Variants in CDH18 observed in about 807,000 individuals in gnomAD.
CDH18 encodes cadherin-18.
CDH18 carries 31 observed loss-of-function variants against 67.9 expected under a neutral mutation model. That is an observed-to-expected ratio of 0.46 (90% CI 0.34 to 0.62). The LOEUF (loss-of-function observed/expected upper bound fraction) is 0.62. Ranked by LOEUF, CDH18 falls within the 20% of genes least tolerant of loss-of-function variation. The probability of loss-of-function intolerance (pLI) is 0.01; values close to 1 mark genes in which losing one functional copy is unlikely to be tolerated. For synonymous variants in CDH18, 362 were observed against 347.2 expected (o/e 1.04, Z -0.48); for missense variants, 890 against 975.5 (o/e 0.91, Z 1.17).
intron 1 of CDH18, among the ~76,000 whole-genome samples, chr5:20,310,800 C>A (rs773443827): frequency 8.5e-5 from 13 of 152,154 alleles, no homozygotes; most frequent in Admixed American, 3.3e-4. Flanking sequence ...GTTCTTTCTT[C>A]TTTTCTGACT....
At chr5:20,199,543 G>C (rs865823311) in intron 2 of CDH18, among the ~76,000 whole-genome samples, 1 of 152,122 alleles carries the variant, frequency 6.6e-6, no homozygotes, top group African/African-American at 2.4e-5. Flanking sequence ...AAAGGGACTT[G>C]CTTTGCCTCA....
intron 1 of CDH18, among the ~76,000 whole-genome samples, chr5:20,539,950 C>A (rs750609672): frequency 1.2e-4 from 18 of 152,110 alleles, no homozygotes; most frequent in Non-Finnish European, 2.4e-4. Context: ...AAGCACTGAA[C>A]TATTTTAATG....
At chr5:20,515,848 T>C (rs980596900) in intron 1 of CDH18, among the ~76,000 whole-genome samples, 1 of 152,072 alleles carries the variant, frequency 6.6e-6, no homozygotes, top group African/African-American at 2.4e-5. Context: ...CTTTCGCATC[T>C]ATGAACATTT....
intron 4 of CDH18, among the ~76,000 whole-genome samples, chr5:19,726,813 T>C (rs1278866853): frequency 6.6e-6 from 1 of 152,208 alleles, no homozygotes; most frequent in Non-Finnish European, 1.5e-5. Flanking sequence ...GTTGAAATCC[T>C]AACTTCTAAT....
intron 2 of CDH18, among the ~76,000 whole-genome samples, chr5:20,036,737 T>C (rs1739899070): frequency 6.6e-6 from 1 of 152,114 alleles, no homozygotes; most frequent in Admixed American, 6.6e-5. Context: ...ACTATTATTG[T>C]GTGAGTGTCT....
chr5:19,505,427 C>T (rs574196484), intron 10 of CDH18, among the ~76,000 whole-genome samples: 2,383 of 152,170 alleles, frequency 0.016, 20 homozygotes, highest in Non-Finnish European at 0.025. Context: ...CAGTTTTTGC[C>T]CATTCAGTAT....
intron 1 of CDH18, among the ~76,000 whole-genome samples, chr5:20,419,109 G>C (rs986043750): frequency 6.6e-6 from 1 of 151,892 alleles, no homozygotes; most frequent in African/African-American, 2.4e-5. Context: ...GGGACTTTCC[G>C]GTGCTATTCT....
intron 6 of CDH18, among the ~76,000 whole-genome samples, chr5:19,601,362 A>T (rs1747096031): frequency 6.6e-6 from 1 of 152,204 alleles, no homozygotes; most frequent in Non-Finnish European, 1.5e-5. Flanking sequence ...TGTATAAATA[A>T]TGAATATATT....
chr5:20,129,269 A>G (rs764103995), intron 2 of CDH18, among the ~76,000 whole-genome samples: 3 of 152,010 alleles, frequency 2.0e-5, no homozygotes, highest in Non-Finnish European at 2.9e-5. Context: ...ATATATCTAT[A>G]TCTTTATCAA....
chr5:19,849,269 C>A (rs141395443), intron 2 of CDH18, among the ~76,000 whole-genome samples: 141 of 151,898 alleles, frequency 9.3e-4, no homozygotes, highest in East Asian at 4.1e-3. Context: ...CATGGAGTAA[C>A]AAGATCATGT....
intron 2 of CDH18, among the ~76,000 whole-genome samples, chr5:20,231,933 A>G (rs935661186): frequency 2.6e-5 from 4 of 152,210 alleles, no homozygotes; most frequent in South Asian, 2.1e-4. Context: ...ATAGATTTCT[A>G]TTGTTTAAAA....
chr5:19,945,808 T>C (rs1795228483), intron 2 of CDH18, among the ~76,000 whole-genome samples: 1 of 151,970 alleles, frequency 6.6e-6, no homozygotes. Flanking sequence ...TCAAAAAAAT[T>C]TGGTCAACAC....
chr5:19,624,630 A>ATGG (rs755851346), intron 5 of CDH18, among the ~76,000 whole-genome samples: 18 of 152,154 alleles, frequency 1.2e-4, no homozygotes, highest in Non-Finnish European at 2.2e-4. Context: ...TGTCCTGGAA[A>ATGG]TGGTGCCACT....
intron 2 of CDH18, among the ~76,000 whole-genome samples, chr5:20,047,139 TAAAC>T (rs1162317968): frequency 4.0e-5 from 6 of 151,798 alleles, no homozygotes; most frequent in Admixed American, 2.6e-4. Flanking sequence ...ATCAACATAA[TAAAC>T]AAAGGTAAAA....
At chr5:20,182,895 A>G (rs1345371819) in intron 2 of CDH18, among the ~76,000 whole-genome samples, 4 of 152,082 alleles carry the variant, frequency 2.6e-5, no homozygotes, top group African/African-American at 9.7e-5. Flanking sequence ...AAAACAGCCC[A>G]AGATCTCTAT....
At chr5:19,546,531 G>A (rs1054705141) in intron 8 of CDH18, among the ~76,000 whole-genome samples, 3 of 152,156 alleles carry the variant, frequency 2.0e-5, no homozygotes, top group Non-Finnish European at 4.4e-5. Flanking sequence ...ATTTTAGTAT[G>A]AGGAAAAGAT....
intron 1 of CDH18, among the ~76,000 whole-genome samples, chr5:20,423,279 A>AT (rs1172543261): frequency 2.6e-5 from 4 of 151,170 alleles, no homozygotes; most frequent in Non-Finnish European, 5.9e-5. Context: ...TGATAATGGG[A>AT]TTTTCAACCC....
chr5:19,526,681 A>C (rs1216938437), intron 9 of CDH18, among the ~76,000 whole-genome samples: 1 of 152,068 alleles, frequency 6.6e-6, no homozygotes, highest in Admixed American at 6.5e-5. Flanking sequence ...AAACAATCTA[A>C]ATCATGTCTA....
At chr5:20,029,073 C>G (rs1454771604) in intron 2 of CDH18, among the ~76,000 whole-genome samples, 1 of 152,084 alleles carries the variant, frequency 6.6e-6, no homozygotes, top group Non-Finnish European at 1.5e-5. Flanking sequence ...TTTTGTATGA[C>G]AGCCAATTAT....
Sources: allele counts gnomAD v4.1 joint callset (sites outside exome capture counted in the v4.1 genomes callset), GRCh38; gene constraint gnomAD v4.1.1; transcripts MANE v1.5; gene names NCBI Gene and HGNC (gene_info 2026-07-23, HGNC 2026-07-21).